PPHLN1: variants seen among roughly 807,000 people sequenced by gnomAD.
The protein encoded by PPHLN1 is periphilin-1.
In PPHLN1, 29 loss-of-function variants were observed where a neutral mutation model predicts 51.3. The observed-to-expected ratio is 0.57, with a 90% CI of 0.42 to 0.77. The LOEUF is 0.77. Among genes scored for constraint, PPHLN1 ranks in the 30% least tolerant of loss-of-function variants. The probability of loss-of-function intolerance (pLI) is 0.00; values close to 1 mark genes in which losing one functional copy is unlikely to be tolerated. For missense variants in PPHLN1, 436 were observed against 438.4 expected, an observed-to-expected ratio of 0.99 and a Z score of 0.05; for synonymous variants, 147 against 147.8, an observed-to-expected ratio of 0.99 and a Z score of 0.04.
At chr12:42,339,751 A>G (rs1453720681) in intron 2 of PPHLN1, among the ~76,000 whole-genome samples, 2 of 152,186 alleles carry the variant, frequency 1.3e-5, no homozygotes, top group African/African-American at 4.8e-5. Context: ...CATTGCTGTA[A>G]TTTCAAAGTA....
chr12:42,393,965 G>C (rs947430327), intron 8 of PPHLN1, among the ~76,000 whole-genome samples: 4 of 151,958 alleles, frequency 2.6e-5, no homozygotes, highest in African/African-American at 9.7e-5. Flanking sequence ...CTTTTAATGG[G>C]CTTTGCTGTT....
Position 42,393,686 on chromosome 12 carries a change from T to A in PPHLN1, c.765T>A (p.Tyr255Ter). 1 of 1,604,868 alleles carries A rather than the reference T, an allele frequency of 6.2e-7. No homozygotes were observed. ...GTAACTTGCCTGAAATTTCTGAGTA[T>A]GAGGTAAGGCATAATGTCTCCTTTA... is the stretch of plus-strand genomic sequence containing the variant. ...DESNLPEISE[Y>*]EAGSTAPLFT... The change falls in exon 8 of 10, where the codon TAT becomes TAA. Residue 255 changes from tyrosine to a stop codon, truncating the protein, a stop_gained. Coordinates refer to ENST00000358314, the MANE Select transcript of PPHLN1 (RefSeq NM_201439.2). LOFTEE classifies it high-confidence loss of function.
At chr12:42,351,776 C>A in intron 2 of PPHLN1, 109 bp from the exon 3 acceptor site, 1 of 777,362 alleles carries the variant, frequency 1.3e-6, no homozygotes, top group Non-Finnish European at 1.9e-6. Context: ...TTTGTTTATA[C>A]ATTTAGCTCA....
intron 4 of PPHLN1, among the ~76,000 whole-genome samples, chr12:42,373,582 A>C (rs983431182): frequency 6.6e-6 from 1 of 152,162 alleles, no homozygotes; most frequent in East Asian, 1.9e-4. Flanking sequence ...GAAATTTAGT[A>C]TTCTTTAATG....
rs149342937 is a variant in PPHLN1, at chr12:42,374,750, G to A, written c.300-113G>A. The A allele has an allele frequency of 6.0e-4, 532 of 891,670 alleles. 7 individuals carry two copies. The East Asian group carries it at 9.9e-3, about 17-fold the overall frequency. The allele number at this position is 891,670 out of a possible 1,614,324, so 55.2% of individuals were successfully genotyped here. On this transcript the variant is annotated intron_variant, in intron 4 of 9. Transcript: ENST00000358314. ...ATTACAGGCGTGAGTCACCGCACCC[G>A]GCCCCAAGAGTACAATTTAAAGGGT...
intron 2 of PPHLN1, among the ~76,000 whole-genome samples, chr12:42,344,733 G>A (rs1332233292): frequency 7.6e-6 from 1 of 131,438 alleles, no homozygotes; most frequent in African/African-American, 2.9e-5. Context: ...TTTTGAGACA[G>A]AGTCTTGCTC....
At chr12:42,359,562 A>G (rs769906546) in intron 4 of PPHLN1, 1 of 152,246 alleles carries the variant, frequency 6.6e-6, no homozygotes, top group Non-Finnish European at 1.5e-5. Context: ...ACTGCCTGGC[A>G]TCTATCTGGC....
At chr12:42,407,075 C>T (rs2079380661) in intron 9 of PPHLN1, among the ~76,000 whole-genome samples, 1 of 152,172 alleles carries the variant, frequency 6.6e-6, no homozygotes, top group Non-Finnish European at 1.5e-5. Flanking sequence ...AACAATACTA[C>T]CCCATCTTCA....
intron 9 of PPHLN1, chr12:42,432,379 C>G (rs2082112316): frequency 1.3e-6 from 1 of 749,566 alleles, no homozygotes; most frequent in African/African-American, 1.7e-5. Flanking sequence ...CAATATGGTA[C>G]TCTAAAAGAA....
chr12:42,441,262 A>G (rs1464330394), intron 9 of PPHLN1, 53 bp from the exon 10 acceptor site: 11 of 1,531,410 alleles, frequency 7.2e-6, no homozygotes, highest in Non-Finnish European at 9.7e-6. Flanking sequence ...TTAGCTAAGT[A>G]TTTGGCTAGT....
chr12:42,446,160 A>T, downstream of PPHLN1: 1 of 1,604,292 alleles, frequency 6.2e-7, no homozygotes, highest in Non-Finnish European at 8.5e-7. Context: ...GGAGCCCCAG[A>T]CATTACCTGG....
chr12:42,359,584 G>C (rs552088367), intron 4 of PPHLN1: 2 of 152,272 alleles, frequency 1.3e-5, no homozygotes, highest in African/African-American at 4.8e-5. Context: ...TCTGTAAGCT[G>C]TTCTCTGTAT....
intron 5 of PPHLN1, among the ~76,000 whole-genome samples, chr12:42,381,284 T>C (rs1407976185): frequency 6.6e-6 from 1 of 152,364 alleles, no homozygotes; most frequent in East Asian, 1.9e-4. Context: ...GGCATCTTAA[T>C]GATCAAGGTT....
chr12:42,365,761 C>G (rs1005252527), intron 4 of PPHLN1, among the ~76,000 whole-genome samples: 4 of 152,184 alleles, frequency 2.6e-5, no homozygotes, highest in South Asian at 2.1e-4. Flanking sequence ...GCCAAAGACA[C>G]TGTCCTAACT....
rs71084642 is a variant in PPHLN1, at chr12:42,360,458, C to CTTTTTTTTTTTT, written c.299+5254_299+5265dup. ...ACAGTTCCTGAAGTGATGCTGAATTCTTTTTTTTTTTTTTTTTTTTTTTTT... is the reference window on the plus strand; with the variant it reads ...ACAGTTCCTGAAGTGATGCTGAATTCTTTTTTTTTTTTTTTTTTTTTTTTTTTTTTTTTTTTT... On this transcript the variant is annotated intron_variant, in intron 4 of 9. Coordinates refer to ENST00000358314, the MANE Select transcript of PPHLN1 (RefSeq NM_201439.2). Among the ~76,000 whole-genome samples, 40 of 56,294 alleles carry CTTTTTTTTTTTT rather than the reference C, an allele frequency of 7.1e-4. 7 individuals carry two copies. Among genetic ancestry groups the CTTTTTTTTTTTT allele is most frequent in the East Asian group, 3.3e-3 (5 of 1,504 alleles). 36.9% of individuals were successfully genotyped at this position (56,294 alleles called of 152,430 possible).
At chr12:42,351,248 C>A (rs2073314057) in intron 2 of PPHLN1, 1 of 152,136 alleles carries the variant, frequency 6.6e-6, no homozygotes, top group Non-Finnish European at 1.5e-5. Flanking sequence ...GACATATGTT[C>A]TCCCTGCGTC....
chr12:42,347,537 T>C (rs918908651), intron 2 of PPHLN1, among the ~76,000 whole-genome samples: 3 of 152,194 alleles, frequency 2.0e-5, no homozygotes, highest in Admixed American at 1.3e-4. Flanking sequence ...CCCAGCACTT[T>C]GGGAGGCGTA....
chr12:42,338,156 G>T (rs1360054971), intron 2 of PPHLN1, among the ~76,000 whole-genome samples: 1 of 152,126 alleles, frequency 6.6e-6, no homozygotes, highest in African/African-American at 2.4e-5. Flanking sequence ...CGAACTCCTG[G>T]CCTGAAGTGA....
intron 9 of PPHLN1, among the ~76,000 whole-genome samples, chr12:42,401,953 C>A (rs981476933): frequency 6.6e-6 from 1 of 152,094 alleles, no homozygotes; most frequent in Admixed American, 6.5e-5. Context: ...CCCCCAGGCT[C>A]AAGCAATACT....
Sources: gnomAD v4.1 joint callset for allele counts (sites outside exome capture counted in the v4.1 genomes callset) on GRCh38, gnomAD v4.1.1 for gene constraint, MANE v1.5 for transcripts, NCBI Gene and HGNC (gene_info 2026-07-23, HGNC 2026-07-21) for gene names.